The following CEP97 variants were observed in gnomAD, a reference collection of about 807,000 sequenced individuals.
The protein encoded by CEP97 is centrosomal protein of 97 kDa.
In CEP97, 43 loss-of-function variants were observed where a neutral mutation model predicts 73.1. The observed-to-expected ratio is 0.59, with a 90% CI of 0.46 to 0.76. The LOEUF is 0.76. Ranked by LOEUF, CEP97 falls within the 30% of genes least tolerant of loss-of-function variation. The pLI is 0.00. For synonymous variants in CEP97, 337 were observed against 370.0 expected (o/e 0.91, Z 1.02); for missense variants, 939 against 1,014.0 (o/e 0.93, Z 1.00).
intron 6 of CEP97, among the ~76,000 whole-genome samples, chr3:101,738,205 C>T (rs1324891016): frequency 6.6e-6 from 1 of 152,076 alleles, no homozygotes; most frequent in Non-Finnish European, 1.5e-5. Context: ...AAAGCAAGTT[C>T]TTGGAGACTT....
In CEP97 at chr3:101,762,485, A is replaced by AT; in HGVS notation, c.1820dup (p.Leu607PhefsTer7). The stretch of plus-strand genomic sequence containing the variant: ...AATAATGTGTTTTGAATTATTGTAG[A>AT]TTACGAAAAGAAAGAGATGAAGAAC... On this transcript the variant is annotated frameshift_variant and splice_region_variant, in exon 10 of 11. Transcript: ENST00000341893. LOFTEE classifies it high-confidence loss of function. 1 of 1,598,010 alleles carries AT rather than the reference A, an allele frequency of 6.3e-7. No homozygotes were observed. The highest frequency in any genetic ancestry group is 8.6e-7 in the Non-Finnish European group (1 of 1,168,204).
chr3:101,726,676 T>C lies in CEP97; in HGVS notation c.126T>C (p.Ile42=), dbSNP rs775384825. Residue 42 remains isoleucine (I), a synonymous_variant, in exon 2 of 11, where the codon ATT becomes ATC. Coordinates refer to ENST00000341893, the MANE Select transcript of CEP97 (RefSeq NM_024548.4). ...GTGAAGCTGATATTCACACTTTGAT[T>C]CTGGATAAAAATCAGATTATTAAAT... ...LPCEADIHTL[I]LDKNQIIKLE... 1 of 1,609,014 alleles carries C rather than the reference T, an allele frequency of 6.2e-7. No homozygotes were observed. Among genetic ancestry groups the C allele is most frequent in the Non-Finnish European group, 8.5e-7 (1 of 1,175,998 alleles).
intron 7 of CEP97, among the ~76,000 whole-genome samples, chr3:101,756,142 C>T (rs1938998693): frequency 6.6e-6 from 1 of 151,774 alleles, no homozygotes. Context: ...CTCATTGCAA[C>T]CTCCATCTCC....
Position 101,769,660 on chromosome 3 carries a change from A to G in CEP97, c.*4109A>G, listed in dbSNP as rs1939411404. On this transcript the variant is annotated 3_prime_UTR_variant, in exon 11 of 11. Coordinates refer to ENST00000341893, the MANE Select transcript of CEP97 (RefSeq NM_024548.4). ...TATATTTTTATTTTTTCCAAACACCAGCTCGAATCAGAGTATATTTTTATT... is the reference window on the plus strand; with the variant it reads ...TATATTTTTATTTTTTCCAAACACCGGCTCGAATCAGAGTATATTTTTATT... The G allele has an allele frequency of 6.6e-6, 1 of 152,128 alleles. No homozygotes were observed. Among genetic ancestry groups the G allele is most frequent in the Non-Finnish European group, 1.5e-5 (1 of 68,022 alleles). 9.4% of individuals were successfully genotyped at this position (152,128 alleles called of 1,614,324 possible).
intron 6 of CEP97, 134 bp downstream of exon 6, chr3:101,732,788 T>C: frequency 1.5e-6 from 1 of 677,642 alleles, no homozygotes; most frequent in Admixed American, 3.3e-5. Flanking sequence ...GCAGACTATA[T>C]GCTGGTCATT....
chr3:101,724,615 G>A lies in CEP97; in HGVS notation c.-62G>A. 6.3e-7 allele frequency: 1 copy of A among 1,592,162 alleles called. No individual in the cohort carries two copies. The highest frequency in any genetic ancestry group is 8.6e-7 in the Non-Finnish European group (1 of 1,160,426). Reference sequence around the variant, plus strand: ...TTATAGTTTCCGGCTCCCTCCTTCAGATTACAAGCTCCACAGAGCCGCGGG... The same window carrying A: ...TTATAGTTTCCGGCTCCCTCCTTCAAATTACAAGCTCCACAGAGCCGCGGG... On this transcript the variant is annotated 5_prime_UTR_variant, in exon 1 of 11. Transcript: ENST00000341893.
intron 6 of CEP97, among the ~76,000 whole-genome samples, chr3:101,739,656 C>T (rs1235214469): frequency 6.6e-6 from 1 of 152,046 alleles, no homozygotes; most frequent in African/African-American, 2.4e-5. Context: ...GACTGTAATC[C>T]CAGCACTTTG....
rs780139058 is a variant in CEP97 at position 101,764,833 on chromosome 3, T to C, written c.1894-14T>C. 11 of 1,571,202 alleles carry C rather than the reference T, an allele frequency of 7.0e-6. No individual in the cohort carries two copies. Among genetic ancestry groups the C allele is most frequent in the Non-Finnish European group, 9.4e-6 (11 of 1,164,138 alleles). The stretch of plus-strand genomic sequence containing the variant: ...TTTTTATTTTATAATACAACTGTAT[T>C]CTCTGGTTTATAGGTAAGGTCTCTA... On this transcript the variant is annotated splice_polypyrimidine_tract_variant and intron_variant, in intron 10 of 10. Transcript: ENST00000341893.
chr3:101,727,297 G>A, intron 2 of CEP97, 86 bp from the exon 3 acceptor site: 1 of 1,122,982 alleles, frequency 8.9e-7, no homozygotes, highest in Non-Finnish European at 1.3e-6. Context: ...GTGTTTGGCT[G>A]TCTAAATAAA....
chr3:101,754,593 C>G (rs1334247841), intron 6 of CEP97, among the ~76,000 whole-genome samples: 1 of 152,212 alleles, frequency 6.6e-6, no homozygotes, highest in Non-Finnish European at 1.5e-5. Flanking sequence ...TGGGCTTGCA[C>G]TCAGATCACA....
chr3:101,766,900 C>T lies in CEP97; in HGVS notation c.*1349C>T, dbSNP rs1560024384. On this transcript the variant is annotated 3_prime_UTR_variant, in exon 11 of 11. Transcript: ENST00000341893. Reference sequence around the variant, plus strand: ...TGTAAAATAAAAGCATCTGATCCTTCAAGGATAAAGTTGAGGATCACATGG... The same window carrying T: ...TGTAAAATAAAAGCATCTGATCCTTTAAGGATAAAGTTGAGGATCACATGG... The T allele has an allele frequency of 6.6e-6, 1 of 152,106 alleles. No homozygotes were observed. The highest frequency in any genetic ancestry group is 1.5e-5 in the Non-Finnish European group (1 of 68,026). 9.4% of individuals were successfully genotyped at this position (152,106 alleles called of 1,614,324 possible). A position where few individuals can be genotyped will look rare whatever the true frequency, so the allele number is the denominator to read the frequency against.
At chr3:101,731,192 CTTT>C (rs35988030) in intron 4 of CEP97, among the ~76,000 whole-genome samples, 13 of 123,240 alleles carry the variant, frequency 1.1e-4, no homozygotes, top group Admixed American at 2.5e-4. Context: ...GTTTTAATGA[CTTT>C]TTTTTTTTTT....
chr3:101,764,784 A>AAAAC, intron 10 of CEP97, 63 bp from the exon 11 acceptor site: 2 of 1,465,368 alleles, frequency 1.4e-6, no homozygotes. Context: ...CCCTGTCTCA[A>AAAAC]AAACAAACAA....
At chr3:101,729,977 T>G (rs535186792) in intron 4 of CEP97, among the ~76,000 whole-genome samples, 1 of 152,144 alleles carries the variant, frequency 6.6e-6, no homozygotes, top group African/African-American at 2.4e-5. Flanking sequence ...GCTAATTTTT[T>G]GTATTTTTAG....
chr3:101,751,166 A>G (rs973572411), intron 6 of CEP97, among the ~76,000 whole-genome samples: 3 of 152,138 alleles, frequency 2.0e-5, no homozygotes, highest in Admixed American at 6.5e-5. Flanking sequence ...TCATTTCGTT[A>G]TGTACCCAGT....
intron 3 of CEP97, among the ~76,000 whole-genome samples, chr3:101,728,186 T>C (rs955023407): frequency 6.6e-6 from 1 of 152,120 alleles, no homozygotes; most frequent in Non-Finnish European, 1.5e-5. Flanking sequence ...AAATCCAGGC[T>C]GTTTGGTTTT....
Position 101,736,197 on chromosome 3 carries a change from CAG to C in CEP97, c.728+3544_728+3545del, listed in dbSNP as rs529519898. 4.9e-3 allele frequency among the ~76,000 whole-genome samples: 752 copies of C among 152,322 alleles called. 9 individuals carry two copies. Among genetic ancestry groups the C allele is most frequent in the Non-Finnish European group, 7.3e-3 (494 of 68,030 alleles). On this transcript the variant is annotated intron_variant, in intron 6 of 10. Coordinates refer to ENST00000341893, the MANE Select transcript of CEP97 (RefSeq NM_024548.4). ...CTGAAAGAAAGGCAGCAGCCCCAGT[CAG>C]GGGGCTTATAGATAAAACTCCGCAT...
At position 101,764,850 on chromosome 3, in the gene CEP97, A is replaced by G. The variant is rs1207727147; in HGVS notation, c.1897A>G (p.Arg633Gly). The change falls in exon 11 of 11, where the codon AGG (arginine) becomes GGG (glycine). Residue 633 changes from arginine (R) to glycine (G), a missense_variant. Physicochemically the swap from Arg to Gly is moderately radical, Grantham distance 125 (BLOSUM62 -2). Transcript: ENST00000341893. Reference protein sequence around the residue: ...EAFRFLWNQVRSLQVWQQTVD... With the variant: ...EAFRFLWNQVGSLQVWQQTVD... ...AACTGTATTCTCTGGTTTATAGGTA[A>G]GGTCTCTACAGGTTTGGCAACAGAC... 6.3e-7 allele frequency: 1 copy of G among 1,591,420 alleles called. No homozygotes were observed. Among genetic ancestry groups the G allele is most frequent in the Non-Finnish European group, 8.5e-7 (1 of 1,173,106 alleles).
chr3:101,729,271 G>A (rs770277691), intron 4 of CEP97, among the ~76,000 whole-genome samples: 1 of 151,918 alleles, frequency 6.6e-6, no homozygotes, highest in Admixed American at 6.6e-5. Flanking sequence ...CCAGGAGGTG[G>A]AGGTTGTGGT....
Sources: allele counts gnomAD v4.1 joint callset (sites outside exome capture counted in the v4.1 genomes callset), GRCh38; gene constraint gnomAD v4.1.1; transcripts MANE v1.5; gene names NCBI Gene and HGNC (gene_info 2026-07-23, HGNC 2026-07-21).